FAM20A: variants seen among roughly 807,000 people sequenced by gnomAD.
FAM20A encodes the protein FAM20A golgi associated secretory pathway pseudokinase.
In FAM20A, 42 loss-of-function variants were observed where a neutral mutation model predicts 52.0. The observed-to-expected ratio is 0.81, with a 90% CI of 0.63 to 1.04. The LOEUF is 1.04. FAM20A is among the 50% of genes least tolerant of loss of function. FAM20A has a pLI of 0.00. For synonymous variants in FAM20A, 304 were observed against 298.9 expected (o/e 1.02, Z -0.18); for missense variants, 742 against 712.7 (o/e 1.04, Z -0.47).
At chr17:68,595,732 G>A (rs1409285897) in intron 1 of FAM20A, among the ~76,000 whole-genome samples, 2 of 152,170 alleles carry the variant, frequency 1.3e-5, no homozygotes, top group African/African-American at 4.8e-5. Flanking sequence ...GTAAGAACCT[G>A]GACTTTCATC....
intron 4 of FAM20A, chr17:68,551,456 G>A (rs1028169860): frequency 3.0e-5 from 7 of 232,172 alleles, no homozygotes; most frequent in Middle Eastern, 1.3e-3. Context: ...TTAAAGTGGT[G>A]GAGTGTGAAC....
chr17:68,574,008 G>A (rs1347471630), intron 1 of FAM20A, among the ~76,000 whole-genome samples: 2 of 151,900 alleles, frequency 1.3e-5, no homozygotes, highest in Admixed American at 1.3e-4. Context: ...TAGAGGCTGG[G>A]AAGTCCAAGG....
intron 3 of FAM20A, among the ~76,000 whole-genome samples, chr17:68,552,275 G>C (rs937237712): frequency 1.3e-5 from 2 of 152,092 alleles, no homozygotes; most frequent in East Asian, 3.9e-4. Flanking sequence ...GCTGGTATGG[G>C]AAAAGAGCAA....
intron 1 of FAM20A, among the ~76,000 whole-genome samples, chr17:68,558,173 T>C (rs1415379164): frequency 6.6e-6 from 1 of 152,102 alleles, no homozygotes; most frequent in East Asian, 1.9e-4. Flanking sequence ...TGAGAATGCT[T>C]CCCGGCTGAA....
rs1271843375 is a variant in FAM20A at position 68,571,948 on chromosome 17, A to ATG, written c.405-16207_405-16206dup. Among the ~76,000 whole-genome samples, 9 of 140,252 alleles carry ATG rather than the reference A, an allele frequency of 6.4e-5. No individual in the cohort carries two copies. In the East Asian group the frequency reaches 1.8e-3, roughly 28 times the overall value. The allele number at this position is 140,252 out of a possible 152,430, so 92.0% of individuals were successfully genotyped here. On this transcript the variant is annotated intron_variant, in intron 1 of 10. Transcript: ENST00000592554. ...ATCAAACTTATGTAGAAATATATAT[A>ATG]TGTGTGTGTGTGTATATATATGTGT...
chr17:68,540,715 C>T (rs1454742344), intron 8 of FAM20A, 134 bp downstream of exon 8: 2 of 1,152,232 alleles, frequency 1.7e-6, no homozygotes, highest in Non-Finnish European at 2.5e-6. Flanking sequence ...ACCTCCGCCA[C>T]TTCTGAGGCT....
chr17:68,562,787 G>C (rs1269060611), intron 1 of FAM20A, among the ~76,000 whole-genome samples: 2 of 152,012 alleles, frequency 1.3e-5, no homozygotes, highest in Admixed American at 1.3e-4. Context: ...AATGACCCAA[G>C]CTGTGTCAAT....
intron 2 of FAM20A, 128 bp downstream of exon 2, chr17:68,555,431 A>G: frequency 9.8e-7 from 1 of 1,016,094 alleles, no homozygotes; most frequent in Admixed American, 1.7e-5. Context: ...ATCAATGCAT[A>G]TGTTCCTCTT....
intron 7 of FAM20A, chr17:68,541,264 G>C (rs950900222): frequency 2.8e-5 from 11 of 397,776 alleles, no homozygotes; most frequent in Non-Finnish European, 4.8e-5. Context: ...CTGCTTCCTC[G>C]TCCCTCCACA....
intron 1 of FAM20A, among the ~76,000 whole-genome samples, chr17:68,565,582 T>C (rs1347195228): frequency 1.3e-5 from 2 of 151,870 alleles, no homozygotes; most frequent in African/African-American, 4.8e-5. Context: ...TTAGTAGAGA[T>C]GGGGTTTCAC....
At chr17:68,594,122 G>A (rs1295298134) in intron 1 of FAM20A, among the ~76,000 whole-genome samples, 2 of 152,184 alleles carry the variant, frequency 1.3e-5, no homozygotes, top group East Asian at 1.9e-4. Context: ...GAAGTAAAGA[G>A]CAGTACTGGC....
In FAM20A at chr17:68,578,838, CAAAAAAAAA is replaced by C. The variant is rs5821664; in HGVS notation, c.404+21416_404+21424del. ...GAAACCCTGTCTCTACTAAAAATAC[CAAAAAAAAA>C]AAAAAAAAAAAAAAAAAAATTACTG... is the stretch of plus-strand genomic sequence containing the variant. On this transcript the variant is annotated intron_variant, in intron 1 of 10. Coordinates refer to ENST00000592554, the MANE Select transcript of FAM20A (RefSeq NM_017565.4). 4.8e-3 allele frequency among the ~76,000 whole-genome samples: 173 copies of C among 36,070 alleles called. 6 individuals are homozygous for C. Among genetic ancestry groups the C allele is most frequent in the African/African-American group, 0.02 (167 of 8,310 alleles). The allele number at this position is 36,070 out of a possible 152,430, so 23.7% of individuals were successfully genotyped here.
At position 68,535,559 on chromosome 17, in the gene FAM20A, C is replaced by T. The variant is rs1424838812; in HGVS notation, c.*1918G>A. On this transcript the variant is annotated 3_prime_UTR_variant, in exon 11 of 11. Transcript: ENST00000592554. ...TCCACAGGGAAGAAACATCTTGAAG[C>T]AGGAGAGACAGTGAATGAAGTGGGG... The T allele has an allele frequency of 4.4e-5, 20 of 453,836 alleles. No homozygotes were observed. Among genetic ancestry groups the T allele is most frequent in the Admixed American group, 1.2e-4 (5 of 42,540 alleles). The allele number at this position is 453,836 out of a possible 1,614,324, so 28.1% of individuals were successfully genotyped here. A position where few individuals can be genotyped will look rare whatever the true frequency, so the allele number is the denominator to read the frequency against.
chr17:68,595,096 T>G (rs1173066273), intron 1 of FAM20A, among the ~76,000 whole-genome samples: 1 of 152,250 alleles, frequency 6.6e-6, no homozygotes, highest in Non-Finnish European at 1.5e-5. Context: ...GTAATGTGCC[T>G]GGCACATAAC....
At chr17:68,549,882 A>G (rs1270472248) in intron 4 of FAM20A, among the ~76,000 whole-genome samples, 1 of 152,202 alleles carries the variant, frequency 6.6e-6, no homozygotes, top group Non-Finnish European at 1.5e-5. Flanking sequence ...ATTTATTTAC[A>G]TATTTTAGTA....
rs904604531 is a variant in FAM20A, at chr17:68,600,421, G to A, written c.246C>T (p.Gly82=). 7 of 1,610,020 alleles carry A rather than the reference G, an allele frequency of 4.3e-6. No individual in the cohort carries two copies. The East Asian group carries it at 1.1e-4, about 26-fold the overall frequency. The change falls in exon 1 of 11, where the codon GGC becomes GGT. Residue 82 remains glycine (G), a synonymous_variant. Transcript: ENST00000592554. This position sits in a 1 kb window ranked among gnomAD's most constrained non-coding sequence, Gnocchi z 6.2. The part of the protein sequence containing the change: ...SRTEPRTEPA[G]GSHSGSSSKL... ...TGGAGCTCGACCCGCTGTGGCTGCCGCCAGCCGGTTCAGTCCGGGGCTCGG... is the reference window on the plus strand; with the variant it reads ...TGGAGCTCGACCCGCTGTGGCTGCCACCAGCCGGTTCAGTCCGGGGCTCGG...
chr17:68,539,864 A>G, intron 9 of FAM20A, 21 bp downstream of exon 9: 3 of 1,612,310 alleles, frequency 1.9e-6, no homozygotes, highest in Non-Finnish European at 2.5e-6. Context: ...GGGATTGTTG[A>G]ACACACGTGG....
rs1221859815 is a variant in FAM20A, at chr17:68,537,097, G to T, written c.*380C>A. On this transcript the variant is annotated 3_prime_UTR_variant, in exon 11 of 11. Coordinates refer to ENST00000592554, the MANE Select transcript of FAM20A (RefSeq NM_017565.4). The surrounding 1 kb of genome is among the most constrained non-coding windows in gnomAD (Gnocchi z 4.2). Reference sequence around the variant, plus strand: ...AGGAGTTATCTTTGACTTGTAGCTAGAATAAGGATCCTGAGAAGTCAGGTA... The same window carrying T: ...AGGAGTTATCTTTGACTTGTAGCTATAATAAGGATCCTGAGAAGTCAGGTA... The T allele has an allele frequency of 2.1e-6, 1 of 466,082 alleles. No homozygotes were observed. The highest frequency in any genetic ancestry group is 4.2e-6 in the Non-Finnish European group (1 of 235,426). The allele number at this position is 466,082 out of a possible 1,614,324, so 28.9% of individuals were successfully genotyped here. A position where few individuals can be genotyped will look rare whatever the true frequency, so the allele number is the denominator to read the frequency against.
chr17:68,596,721 T>G (rs141359877), intron 1 of FAM20A, among the ~76,000 whole-genome samples: 1 of 152,344 alleles, frequency 6.6e-6, no homozygotes, highest in East Asian at 1.9e-4. Flanking sequence ...CTCGTCACTG[T>G]TCAATACAGG....
Sources: allele counts gnomAD v4.1 joint callset (sites outside exome capture counted in the v4.1 genomes callset), GRCh38; gene constraint gnomAD v4.1.1; non-coding constraint Gnocchi (gnomAD v3.1); transcripts MANE v1.5; gene names NCBI Gene and HGNC (gene_info 2026-07-23, HGNC 2026-07-21).